Variants in SLC22A2 observed in about 807,000 individuals in gnomAD.
SLC22A2 encodes the protein solute carrier family 22 member 2, also known as organic cation transporter 2.
A neutral mutation model predicts 60.5 loss-of-function variants in SLC22A2; 46 were observed. That is an observed-to-expected ratio of 0.76 (90% CI 0.60 to 0.97). SLC22A2 has a LOEUF of 0.97. Among genes scored for constraint, SLC22A2 ranks in the 50% least tolerant of loss-of-function variants. The pLI is 0.00. For missense variants in SLC22A2, 701 were observed against 706.6 expected (o/e 0.99, Z 0.09); for synonymous variants, 303 against 267.0 (o/e 1.13, Z -1.31).
At chr6:160,234,016 A>G (rs1163188738) in intron 9 of SLC22A2, among the ~76,000 whole-genome samples, 1 of 152,186 alleles carries the variant, frequency 6.6e-6, no homozygotes, top group African/African-American at 2.4e-5. Context: ...AAGAATCACA[A>G]AAGAATTGAA....
intron 10 of SLC22A2, chr6:160,217,897 T>A (rs1258359260): frequency 6.4e-6 from 1 of 157,220 alleles, no homozygotes; most frequent in African/African-American, 2.4e-5. Context: ...TATTTACTTT[T>A]CAACAGCTTG....
intron 5 of SLC22A2, 36 bp downstream of exon 5, chr6:160,247,148 C>T (rs1271469945): frequency 1.7e-6 from 2 of 1,203,206 alleles, no homozygotes; most frequent in African/African-American, 3.0e-5. Flanking sequence ...TCCCTTTTCT[C>T]CATCCCCTGA....
At chr6:160,252,379 T>G (rs749585895) in intron 2 of SLC22A2, among the ~76,000 whole-genome samples, 2 of 152,210 alleles carry the variant, frequency 1.3e-5, no homozygotes, top group Non-Finnish European at 2.9e-5. Flanking sequence ...ATTCATCATC[T>G]GAAACTCAGA....
intron 2 of SLC22A2, among the ~76,000 whole-genome samples, chr6:160,254,361 CTTTT>C: frequency 6.6e-6 from 1 of 152,214 alleles, no homozygotes; most frequent in Middle Eastern, 3.4e-3. Flanking sequence ...TGAGGAATTG[CTTTT>C]TTGTCTCAGG....
chr6:160,239,538 C>A (rs1782965427), intron 9 of SLC22A2, among the ~76,000 whole-genome samples: 1 of 152,208 alleles, frequency 6.6e-6, no homozygotes, highest in Non-Finnish European at 1.5e-5. Context: ...CATCTGCTAT[C>A]CAGAAATGTC....
intron 9 of SLC22A2, among the ~76,000 whole-genome samples, chr6:160,225,314 C>G (rs1331908278): frequency 6.6e-6 from 1 of 151,910 alleles, no homozygotes; most frequent in African/African-American, 2.4e-5. Flanking sequence ...TTTTCTTTGT[C>G]TCTAGCTATA....
In SLC22A2 at chr6:160,234,308, C is replaced by T. The variant is rs115533948; in HGVS notation, c.1501+7166G>A. Reference sequence around the variant, plus strand: ...CAAAGCCTGTTTGGTGGGCTCTTCACACGGACACGAGTGAAAGTTATTTCT... The same window carrying T: ...CAAAGCCTGTTTGGTGGGCTCTTCATACGGACACGAGTGAAAGTTATTTCT... On this transcript the variant is annotated intron_variant, in intron 9 of 10. Transcript: ENST00000366953. 2.8e-3 allele frequency among the ~76,000 whole-genome samples: 426 copies of T among 152,322 alleles called. 2 individuals are homozygous for T. Among genetic ancestry groups the T allele is most frequent in the African/African-American group, 9.7e-3 (404 of 41,558 alleles).
At chr6:160,256,004 G>A (rs1783263191) in intron 2 of SLC22A2, among the ~76,000 whole-genome samples, 1 of 152,138 alleles carries the variant, frequency 6.6e-6, no homozygotes, top group African/African-American at 2.4e-5. Flanking sequence ...CATCAGAGAG[G>A]CCTCTCGTCA....
intron 2 of SLC22A2, among the ~76,000 whole-genome samples, chr6:160,256,183 T>C (rs555886520): frequency 5.9e-5 from 9 of 152,066 alleles, no homozygotes; most frequent in African/African-American, 1.7e-4. Context: ...AGATTCTACA[T>C]TGGGCCTGGT....
chr6:160,233,761 CT>C lies in SLC22A2; in HGVS notation c.1501+7712del, dbSNP rs1227275976. Among the ~76,000 whole-genome samples, 8 of 151,950 alleles carry C rather than the reference CT, an allele frequency of 5.3e-5. No individual in the cohort carries two copies. In the South Asian group the frequency reaches 1.0e-3, roughly 20 times the overall value. ...CCGCAAAATCTTCCTTCAGCTTAAT[CT>C]CTCCCACTCTAGGTTCCCACGCTGC... is the stretch of plus-strand genomic sequence containing the variant. On this transcript the variant is annotated intron_variant, in intron 9 of 10. Transcript: ENST00000366953.
chr6:160,231,798 TA>T (rs1252891460), intron 9 of SLC22A2, among the ~76,000 whole-genome samples: 1 of 151,826 alleles, frequency 6.6e-6, no homozygotes, highest in African/African-American at 2.4e-5. Flanking sequence ...TTCCATTCCT[TA>T]AAAAACAGCC....
rs778603640 is a variant in SLC22A2 at position 160,258,454 on chromosome 6, C to T, written c.304G>A (p.Asp102Asn). ...YEVDWNQSTF[D>N]CVDPLASLDT... is the part of the protein sequence containing the mutation. ...AGGCTGGCCAGGGGGTCCACGCAGTCGAAGGTGCTCTGGTTCCAGTCCACC... is the reference window on the plus strand; with the variant it reads ...AGGCTGGCCAGGGGGTCCACGCAGTTGAAGGTGCTCTGGTTCCAGTCCACC... Residue 102 changes from aspartate (D) to asparagine (N), a missense_variant, in exon 1 of 11, where the codon GAC (aspartate) becomes AAC (asparagine). Physicochemically the swap from Asp to Asn is conservative, Grantham distance 23 (BLOSUM62 1). Coordinates refer to ENST00000366953, the MANE Select transcript of SLC22A2 (RefSeq NM_003058.4). 5.6e-6 allele frequency: 9 copies of T among 1,614,036 alleles called. No individual in the cohort carries two copies. The highest frequency in any genetic ancestry group is 4.4e-5 in the South Asian group (4 of 91,082).
At chr6:160,236,085 C>T (rs1388261052) in intron 9 of SLC22A2, among the ~76,000 whole-genome samples, 1 of 151,702 alleles carries the variant, frequency 6.6e-6, no homozygotes, top group African/African-American at 2.4e-5. Flanking sequence ...TGCCCTAAGA[C>T]TTTACCATCC....
At chr6:160,246,024 T>C (rs791578) in intron 5 of SLC22A2, among the ~76,000 whole-genome samples, 132,712 of 151,770 alleles carry the variant, frequency 0.87, 58,253 homozygotes, top group East Asian at 0.97. Context: ...TCCGCCACCA[T>C]GCCCAGCTAA....
chr6:160,258,573 C>A lies in SLC22A2; in HGVS notation c.185G>T (p.Arg62Leu), dbSNP rs1017655480. The A allele has an allele frequency of 2.5e-6, 4 of 1,613,700 alleles. No homozygotes were observed. Among genetic ancestry groups the A allele is most frequent in the Non-Finnish European group, 3.4e-6 (4 of 1,179,842 alleles). Residue 62 changes from arginine (R) to leucine (L), a missense_variant, in exon 1 of 11, where the codon CGC becomes CTC. Coordinates refer to ENST00000366953, the MANE Select transcript of SLC22A2 (RefSeq NM_003058.4). The stretch of plus-strand genomic sequence containing the variant: ...TTCCTCTGCAGGACTCCAGCCGCAG[C>A]GCAGACTCAGCTCGGCCACTCCGGG... ...RSPGVAELSL[R>L]CGWSPAEELN...
At chr6:160,226,001 T>G (rs1341692378) in intron 9 of SLC22A2, among the ~76,000 whole-genome samples, 1 of 152,220 alleles carries the variant, frequency 6.6e-6, no homozygotes, top group Non-Finnish European at 1.5e-5. Context: ...TTTGTAGGAC[T>G]AACATTAGCC....
rs141514169 is a variant in SLC22A2 at position 160,256,992 on chromosome 6, C to A, written c.415-275G>T. Among the ~76,000 whole-genome samples, 1,276 of 151,560 alleles carry A rather than the reference C, an allele frequency of 8.4e-3. 19 individuals are homozygous for A. The highest frequency in any genetic ancestry group is 0.034 in the Middle Eastern group (10 of 292). On this transcript the variant is annotated intron_variant, in intron 1 of 10. Coordinates refer to ENST00000366953, the MANE Select transcript of SLC22A2 (RefSeq NM_003058.4). ...CATGGCTCACTGCAGCCTCGACCTCCTGGGCTCATGTGATCCTCACACCTC... is the reference window on the plus strand; with the variant it reads ...CATGGCTCACTGCAGCCTCGACCTCATGGGCTCATGTGATCCTCACACCTC...
intron 9 of SLC22A2, among the ~76,000 whole-genome samples, chr6:160,236,134 G>A (rs1360061429): frequency 2.0e-5 from 3 of 152,120 alleles, no homozygotes; most frequent in African/African-American, 4.8e-5. Context: ...TCTTCAAAAG[G>A]TGGTTTTATA....
At chr6:160,220,533 AG>A (rs1339538125) in intron 10 of SLC22A2, among the ~76,000 whole-genome samples, 1 of 152,202 alleles carries the variant, frequency 6.6e-6, no homozygotes, top group Non-Finnish European at 1.5e-5. Context: ...CAATGGTGAA[AG>A]ATTTCCAGAA....
Sources: gnomAD v4.1 joint callset for allele counts (sites outside exome capture counted in the v4.1 genomes callset) on GRCh38, gnomAD v4.1.1 for gene constraint, MANE v1.5 for transcripts, NCBI Gene and HGNC (gene_info 2026-07-23, HGNC 2026-07-21) for gene names.